Variants in CHSY3 observed in about 807,000 individuals in gnomAD.
The protein encoded by CHSY3 is chondroitin sulfate synthase 3.
CHSY3 carries 35 observed loss-of-function variants against 67.2 expected under a neutral mutation model. That is an observed-to-expected ratio of 0.52 (90% confidence interval 0.40 to 0.69). The LOEUF (loss-of-function observed/expected upper bound fraction) is 0.69, where lower values mean the gene tolerates loss of function less well. Among genes scored for constraint, CHSY3 ranks in the 30% least tolerant of loss-of-function variants. CHSY3 has a pLI of 0.00. For missense variants in CHSY3, 1,069 were observed against 1,138.5 expected (o/e 0.94, Z 0.88); for synonymous variants, 474 against 434.7 (o/e 1.09, Z -1.12).
intron 2 of CHSY3, among the ~76,000 whole-genome samples, chr5:130,007,363 C>T (rs1444386164): frequency 1.3e-5 from 2 of 151,948 alleles, no homozygotes; most frequent in African/African-American, 4.8e-5. Flanking sequence ...GAGGCCGGAC[C>T]ATCAAAAAGA....
At chr5:129,905,803 C>G in intron 1 of CHSY3, 172 bp downstream of exon 1, 1 of 1,358,212 alleles carries the variant, frequency 7.4e-7, no homozygotes, top group Admixed American at 2.9e-5. Flanking sequence ...CAATTCGTAG[C>G]CCGTTCCTCG....
At chr5:130,036,048 TG>T (rs1485736000) in intron 2 of CHSY3, among the ~76,000 whole-genome samples, 4 of 152,130 alleles carry the variant, frequency 2.6e-5, no homozygotes, top group African/African-American at 9.6e-5. Context: ...AGAAGAGCTT[TG>T]GTTCCGGATG....
intron 2 of CHSY3, among the ~76,000 whole-genome samples, chr5:129,954,460 CG>C: frequency 7.0e-6 from 1 of 143,678 alleles, no homozygotes; most frequent in East Asian, 2.0e-4. Flanking sequence ...CTTGGCTATA[CG>C]GTTTTTTTTT....
intron 2 of CHSY3, among the ~76,000 whole-genome samples, chr5:130,148,464 T>C (rs1769138239): frequency 6.6e-6 from 1 of 152,204 alleles, no homozygotes; most frequent in Non-Finnish European, 1.5e-5. Flanking sequence ...CTCTGATGAA[T>C]CACCACACTG....
chr5:130,009,103 A>C (rs1763970722), intron 2 of CHSY3, among the ~76,000 whole-genome samples: 1 of 152,170 alleles, frequency 6.6e-6, no homozygotes, highest in Admixed American at 6.5e-5. Context: ...AAATTCAGTA[A>C]ATTCAGAGAA....
At chr5:129,912,011 GC>G (rs1357657725) in intron 2 of CHSY3, among the ~76,000 whole-genome samples, 1 of 152,068 alleles carries the variant, frequency 6.6e-6, no homozygotes, top group Non-Finnish European at 1.5e-5. Context: ...AGCCGAGATA[GC>G]CCACTGCACT....
intron 2 of CHSY3, among the ~76,000 whole-genome samples, chr5:130,036,496 T>G (rs1323009607): frequency 6.6e-6 from 1 of 152,120 alleles, no homozygotes; most frequent in Non-Finnish European, 1.5e-5. Context: ...AAACATAAAA[T>G]GGATTTGTTC....
chr5:130,110,028 A>T (rs1249026318), intron 2 of CHSY3, among the ~76,000 whole-genome samples: 3 of 151,930 alleles, frequency 2.0e-5, no homozygotes, highest in African/African-American at 7.2e-5. Flanking sequence ...GCTTATAAGT[A>T]CTGGAAATGG....
intron 2 of CHSY3, among the ~76,000 whole-genome samples, chr5:129,994,407 A>T (rs1298563274): frequency 6.6e-6 from 1 of 152,014 alleles, no homozygotes; most frequent in South Asian, 2.1e-4. Context: ...GGCTTTGTTC[A>T]TGTCTTTTTA....
At chr5:129,980,680 A>T (rs1762955015) in intron 2 of CHSY3, among the ~76,000 whole-genome samples, 1 of 152,104 alleles carries the variant, frequency 6.6e-6, no homozygotes, top group Non-Finnish European at 1.5e-5. Context: ...TTGTATCTTA[A>T]AAGGTCATCA....
chr5:129,955,106 A>T (rs1228199184), intron 2 of CHSY3, among the ~76,000 whole-genome samples: 1 of 152,062 alleles, frequency 6.6e-6, no homozygotes, highest in Non-Finnish European at 1.5e-5. Flanking sequence ...TGACCTTGTG[A>T]TCTGCCCACC....
intron 2 of CHSY3, among the ~76,000 whole-genome samples, chr5:130,047,581 A>G (rs1472579532): frequency 6.6e-6 from 1 of 152,066 alleles, no homozygotes; most frequent in African/African-American, 2.4e-5. Context: ...TAATAGGAAA[A>G]GTCTATTGGA....
At chr5:130,038,671 A>C (rs557022015) in intron 2 of CHSY3, among the ~76,000 whole-genome samples, 1 of 152,222 alleles carries the variant, frequency 6.6e-6, no homozygotes, top group Admixed American at 6.5e-5. Flanking sequence ...TCAGTCTTTT[A>C]TTACTTTGCC....
At chr5:129,991,472 T>C (rs1763364739) in intron 2 of CHSY3, among the ~76,000 whole-genome samples, 2 of 152,166 alleles carry the variant, frequency 1.3e-5, no homozygotes, top group African/African-American at 4.8e-5. Context: ...CATTATTTGT[T>C]CTTTTTATAA....
intron 2 of CHSY3, among the ~76,000 whole-genome samples, chr5:130,149,206 C>A (rs1580782304): frequency 1.3e-5 from 2 of 152,084 alleles, no homozygotes; most frequent in African/African-American, 2.4e-5. Context: ...TAGCAAGACC[C>A]CACTCCTTGG....
At chr5:130,117,509 G>T (rs1243178273) in intron 2 of CHSY3, among the ~76,000 whole-genome samples, 1 of 152,192 alleles carries the variant, frequency 6.6e-6, no homozygotes, top group East Asian at 1.9e-4. Flanking sequence ...GAGACATTCT[G>T]TCAATAGTTA....
At chr5:129,969,659 G>T (rs137860775) in intron 2 of CHSY3, among the ~76,000 whole-genome samples, 1 of 151,884 alleles carries the variant, frequency 6.6e-6, no homozygotes, top group African/African-American at 2.4e-5. Context: ...AAATGATTTT[G>T]CTAGATTGTT....
chr5:130,066,653 T>C (rs1765894262), intron 2 of CHSY3, among the ~76,000 whole-genome samples: 1 of 152,140 alleles, frequency 6.6e-6, no homozygotes, highest in African/African-American at 2.4e-5. Context: ...CTATTGTTAT[T>C]ACTTATTCAT....
At position 130,058,293 on chromosome 5, in the gene CHSY3, C is replaced by A. The variant is rs149832030; in HGVS notation, c.1087-125936C>A. ...TAAGTATGGGTAGGTGAAAAATGGACAAGGAAAGATGATATCATACAATAT... is the reference window on the plus strand; with the variant it reads ...TAAGTATGGGTAGGTGAAAAATGGAAAAGGAAAGATGATATCATACAATAT... On this transcript the variant is annotated intron_variant, in intron 2 of 2. Coordinates refer to ENST00000305031, the MANE Select transcript of CHSY3 (RefSeq NM_175856.5). Among the ~76,000 whole-genome samples the A allele has an allele frequency of 1.6e-3, 237 of 152,050 alleles. 2 individuals carry two copies. The highest frequency in any genetic ancestry group is 5.5e-3 in the African/African-American group (229 of 41,470).
Sources: gnomAD v4.1 joint callset for allele counts (sites outside exome capture counted in the v4.1 genomes callset) on GRCh38, gnomAD v4.1.1 for gene constraint, MANE v1.5 for transcripts, NCBI Gene and HGNC (gene_info 2026-07-23, HGNC 2026-07-21) for gene names.